CREB5: variants seen among roughly 807,000 people sequenced by gnomAD.
CREB5 encodes cAMP responsive element binding protein 5, also known as cyclic AMP-responsive element-binding protein 5.
In CREB5, 19 loss-of-function variants were observed where a neutral mutation model predicts 57.1. The observed-to-expected ratio is 0.33, with a 90% CI of 0.23 to 0.49. The LOEUF (loss-of-function observed/expected upper bound fraction) is 0.49. Among genes scored for constraint, CREB5 ranks in the 20% least tolerant of loss-of-function variants. The probability of loss-of-function intolerance (pLI) is 0.99; values close to 1 mark genes in which losing one functional copy is unlikely to be tolerated. For synonymous variants in CREB5, 238 were observed against 238.3 expected, an observed-to-expected ratio of 1.00 and a Z score of 0.01; for missense variants, 579 against 671.6, an observed-to-expected ratio of 0.86 and a Z score of 1.52.
chr7:28,385,769 A>G (rs551631851), intron 1 of CREB5, among the ~76,000 whole-genome samples: 23 of 152,280 alleles, frequency 1.5e-4, no homozygotes, highest in African/African-American at 5.1e-4. Flanking sequence ...AATATAAATT[A>G]TTACTAAAAC....
At chr7:28,304,384 AG>A (rs1253262731) in intron 1 of CREB5, among the ~76,000 whole-genome samples, 1 of 152,222 alleles carries the variant, frequency 6.6e-6, no homozygotes, top group African/African-American at 2.4e-5. Flanking sequence ...GTTCTTCACA[AG>A]TAAGCAATTT....
At chr7:28,346,749 ATCT>A (rs1644896400) in intron 1 of CREB5, among the ~76,000 whole-genome samples, 1 of 152,168 alleles carries the variant, frequency 6.6e-6, no homozygotes, top group African/African-American at 2.4e-5. Flanking sequence ...GCGGAGGGCC[ATCT>A]TCTGGCTGAG....
intron 5 of CREB5, among the ~76,000 whole-genome samples, chr7:28,685,665 C>CTT (rs548208912): frequency 1.1e-4 from 15 of 130,928 alleles, no homozygotes; most frequent in East Asian, 4.4e-4. Flanking sequence ...ACAGGGCACT[C>CTT]TTTTTTTTTT....
intron 4 of CREB5, among the ~76,000 whole-genome samples, chr7:28,558,698 G>C (rs1583624925): frequency 2.6e-5 from 4 of 152,172 alleles, no homozygotes; most frequent in Admixed American, 2.6e-4. Flanking sequence ...TTGGGCAAGG[G>C]AAAGGCAAAG....
intron 7 of CREB5, among the ~76,000 whole-genome samples, chr7:28,759,771 C>T (rs999244598): frequency 1.3e-5 from 2 of 152,198 alleles, no homozygotes; most frequent in Admixed American, 6.5e-5. Context: ...TCTCTGCTGC[C>T]GCAGCTCTGG....
intron 5 of CREB5, among the ~76,000 whole-genome samples, chr7:28,660,711 C>A (rs1167414340): frequency 6.6e-6 from 1 of 152,142 alleles, no homozygotes; most frequent in African/African-American, 2.4e-5. Context: ...CCCACCCCTT[C>A]ACCTTTTCCT....
chr7:28,797,491 T>C (rs1808115712), intron 7 of CREB5, among the ~76,000 whole-genome samples: 1 of 152,230 alleles, frequency 6.6e-6, no homozygotes, highest in Non-Finnish European at 1.5e-5. Context: ...TGGGTAATGT[T>C]TCCTTCCAAC....
intron 1 of CREB5, among the ~76,000 whole-genome samples, chr7:28,422,934 T>A (rs896473961): frequency 6.6e-6 from 1 of 152,188 alleles, no homozygotes; most frequent in African/African-American, 2.4e-5. Context: ...TAGGGTGATA[T>A]AACAACTCAG....
chr7:28,408,517 C>G (rs971950801), upstream of CREB5, among the ~76,000 whole-genome samples: 2 of 152,172 alleles, frequency 1.3e-5, no homozygotes, highest in Non-Finnish European at 2.9e-5. Context: ...CTCTGCCGCT[C>G]CCCAGCCCGT....
chr7:28,343,092 C>T (rs1218105120), intron 1 of CREB5, among the ~76,000 whole-genome samples: 1 of 152,108 alleles, frequency 6.6e-6, no homozygotes, highest in Non-Finnish European at 1.5e-5. Context: ...AGGTACCCGC[C>T]ACCACGCCCA....
chr7:28,322,760 T>C (rs1785515198), intron 1 of CREB5, among the ~76,000 whole-genome samples: 1 of 152,224 alleles, frequency 6.6e-6, no homozygotes, highest in African/African-American at 2.4e-5. Context: ...GCCTCATCCA[T>C]GTCCCTGCAA....
At chr7:28,732,405 A>G (rs1010148878) in intron 7 of CREB5, among the ~76,000 whole-genome samples, 11 of 152,044 alleles carry the variant, frequency 7.2e-5, no homozygotes, top group Non-Finnish European at 1.6e-4. Flanking sequence ...GGCAAAAAAA[A>G]CTGCATATGG....
intron 5 of CREB5, among the ~76,000 whole-genome samples, chr7:28,622,022 GC>G (rs1436369239): frequency 1.3e-5 from 2 of 151,964 alleles, no homozygotes; most frequent in Non-Finnish European, 2.9e-5. Flanking sequence ...CTTGTACAAG[GC>G]CAAAAAAGAT....
chr7:28,784,862 A>C (rs1207043324), intron 7 of CREB5, among the ~76,000 whole-genome samples: 1 of 152,122 alleles, frequency 6.6e-6, no homozygotes, highest in Non-Finnish European at 1.5e-5. Context: ...TGGGGAATCG[A>C]AGCGGCTGCT....
intron 1 of CREB5, among the ~76,000 whole-genome samples, chr7:28,391,736 A>G (rs551385093): frequency 6.6e-6 from 1 of 152,332 alleles, no homozygotes; most frequent in South Asian, 2.1e-4. Flanking sequence ...TATCAGAACA[A>G]CAAATCAATC....
intron 1 of CREB5, among the ~76,000 whole-genome samples, chr7:28,386,106 A>G (rs771143184): frequency 3.3e-5 from 5 of 152,108 alleles, no homozygotes; most frequent in Non-Finnish European, 5.9e-5. Context: ...TATAGTATCA[A>G]TGTTTCTTTG....
At chr7:28,566,666 G>GAA (rs59194381) in intron 4 of CREB5, among the ~76,000 whole-genome samples, 4 of 151,672 alleles carry the variant, frequency 2.6e-5, no homozygotes, top group South Asian at 2.1e-4. Context: ...AAAGCTTAAA[G>GAA]AAAAAAAAAT....
intron 1 of CREB5, among the ~76,000 whole-genome samples, chr7:28,360,461 C>A (rs1402342740): frequency 6.6e-6 from 1 of 152,118 alleles, no homozygotes; most frequent in African/African-American, 2.4e-5. Context: ...ATAAGCCAGG[C>A]ACAGAAAGAC....
chr7:28,516,820 G>A (rs1583566027), intron 4 of CREB5, among the ~76,000 whole-genome samples: 1 of 152,192 alleles, frequency 6.6e-6, no homozygotes, highest in Admixed American at 6.5e-5. Context: ...CAATTTCAAG[G>A]TATTAACCCA....
Sources: allele counts gnomAD v4.1 joint callset (sites outside exome capture counted in the v4.1 genomes callset), GRCh38; gene constraint gnomAD v4.1.1; transcripts MANE v1.5; gene names NCBI Gene and HGNC (gene_info 2026-07-23, HGNC 2026-07-21).